Variants in PEAR1 observed in about 807,000 individuals in gnomAD.
The protein encoded by PEAR1 is platelet endothelial aggregation receptor 1, also known as multiple EGF-like domains protein 12.
In PEAR1, 113 loss-of-function variants were observed where a neutral mutation model predicts 131.2. That is an observed-to-expected ratio of 0.86 (90% CI 0.74 to 1.01). The LOEUF (loss-of-function observed/expected upper bound fraction) is 1.01, where lower values mean the gene tolerates loss of function less well. Ranked by LOEUF, PEAR1 falls within the 50% of genes least tolerant of loss-of-function variation. The pLI is 0.00. For missense variants in PEAR1, 1,408 were observed against 1,391.1 expected (o/e 1.01, Z -0.19); for synonymous variants, 565 against 523.3 (o/e 1.08, Z -1.09).
rs535575382 is a variant in PEAR1 at position 156,912,392 on chromosome 1, A to T, written c.2080+17A>T. 8 of 1,610,142 alleles carry T rather than the reference A, an allele frequency of 5.0e-6. No homozygotes were observed. In the African/African-American group the frequency reaches 5.3e-5, roughly 11 times the overall value. ...GCTTAGAAGGTACCAACAGAAGGGG[A>T]ACTCCAGGCCCCTGCCTCCAACTTA... is the stretch of plus-strand genomic sequence containing the variant. On this transcript the variant is annotated intron_variant, in intron 16 of 22. Transcript: ENST00000292357.
rs1368844844 is a variant in PEAR1 at position 156,907,706 on chromosome 1, C to T, written c.741C>T (p.Ser247=). 8 of 1,612,484 alleles carry T rather than the reference C, an allele frequency of 5.0e-6. No individual in the cohort carries two copies. The highest frequency in any genetic ancestry group is 6.8e-6 in the Non-Finnish European group (8 of 1,179,072). Residue 247 remains serine (S), a synonymous_variant, in exon 7 of 23, where the codon TCC becomes TCT. Coordinates refer to ENST00000292357, the MANE Select transcript of PEAR1 (RefSeq NM_001080471.3). ...GTGTCTTCCAAACCCCACAGGGCTC[C>T]TGCAGCTGCCCCCCTGGCTGGATGG... ...NGGVFQTPQG[S]CSCPPGWMGT...
At chr1:156,907,830 T>C in intron 7 of PEAR1, 85 bp from the exon 8 acceptor site, 1 of 1,566,354 alleles carries the variant, frequency 6.4e-7, no homozygotes, top group South Asian at 1.2e-5. Context: ...GGGTGAGCTC[T>C]GTGGTTATGG....
Position 156,913,753 on chromosome 1 carries a change from C to A in PEAR1, c.2706C>A (p.Tyr902Ter), listed in dbSNP as rs764009967. The change falls in exon 21 of 23, where the codon TAC (tyrosine) becomes TAA (stop). Residue 902 changes from tyrosine to a stop codon, truncating the protein, a stop_gained. Transcript: ENST00000292357. LOFTEE classifies it high-confidence loss of function. ...YSYSNGPGPFYNKGLISEEEL... is the reference protein window; with the variant it reads ...YSYSNGPGPF Reference sequence around the variant, plus strand: ...ACAGCAATGGCCCAGGCCCATTCTACAATAAAGGTATGGGCACAGGGGCAA... The same window carrying A: ...ACAGCAATGGCCCAGGCCCATTCTAAAATAAAGGTATGGGCACAGGGGCAA... 1.2e-6 allele frequency: 2 copies of A among 1,614,066 alleles called. No individual in the cohort carries two copies. Among genetic ancestry groups the A allele is most frequent in the South Asian group, 2.2e-5 (2 of 91,072 alleles).
chr1:156,904,647 G>T (rs2102985087), intron 2 of PEAR1, 101 bp from the exon 3 acceptor site: 15 of 1,209,920 alleles, frequency 1.2e-5, no homozygotes, highest in Non-Finnish European at 1.8e-5. Context: ...GCGTTGGGCT[G>T]TGGATTCCCC....
chr1:156,905,255 C>T (rs777055115), intron 3 of PEAR1, 69 bp from the exon 4 acceptor site: 10 of 1,504,668 alleles, frequency 6.6e-6, no homozygotes, highest in African/African-American at 1.4e-5. Context: ...TCCCTGGCCT[C>T]CCCCTGGCCA....
At chr1:156,907,818 G>A in intron 7 of PEAR1, 88 bp downstream of exon 7, 1 of 1,566,210 alleles carries the variant, frequency 6.4e-7, no homozygotes, top group Non-Finnish European at 8.7e-7. Context: ...GGTGAGTGAG[G>A]GGGGTGAGCT....
intron 16 of PEAR1, 44 bp from the exon 17 acceptor site, chr1:156,912,450 C>T (rs762789200): frequency 6.2e-7 from 1 of 1,604,268 alleles, no homozygotes; most frequent in Non-Finnish European, 8.5e-7. Context: ...CTAGAGTTTC[C>T]TGGCGGCTCT....
chr1:156,903,465 A>T (rs1189733873), intron 1 of PEAR1, among the ~76,000 whole-genome samples: 1 of 152,152 alleles, frequency 6.6e-6, no homozygotes, highest in African/African-American at 2.4e-5. Flanking sequence ...TGCCCTGGGT[A>T]GGGCCTGGGC....
Position 156,915,218 on chromosome 1 carries a change from A to C in PEAR1, c.*420A>C, listed in dbSNP as rs534799938. ...ACTTACCATTTAGTAGGGAGATGGA[A>C]CCAACCCAATTAACTCTAGCAATAG... On this transcript the variant is annotated 3_prime_UTR_variant, in exon 23 of 23. Transcript: ENST00000292357. 163 of 159,168 alleles carry C rather than the reference A, an allele frequency of 1.0e-3. 1 individual carries two copies. The highest frequency in any genetic ancestry group is 3.8e-3 in the African/African-American group (159 of 41,856). 9.9% of individuals were successfully genotyped at this position (159,168 alleles called of 1,614,324 possible).
chr1:156,910,015 T>C lies in PEAR1; in HGVS notation c.1585T>C (p.Phe529Leu), dbSNP rs764199964. The change falls in exon 13 of 23, where the codon TTT becomes CTT. Residue 529 changes from phenylalanine to leucine, a missense_variant. By Grantham distance (22) the Phe-to-Leu change is conservative. Coordinates refer to ENST00000292357, the MANE Select transcript of PEAR1 (RefSeq NM_001080471.3). ...CCACTCCTTCTCCAAGAAGGGGCAGTTTGGAGAAGGTTGTGCCAGTCGCTG... is the reference window on the plus strand; with the variant it reads ...CCACTCCTTCTCCAAGAAGGGGCAGCTTGGAGAAGGTTGTGCCAGTCGCTG... ...HCQLPCPKGQ[F>L]GEGCASRCDC... 1 of 1,613,686 alleles carries C rather than the reference T, an allele frequency of 6.2e-7. No individual in the cohort carries two copies. Among genetic ancestry groups the C allele is most frequent in the Non-Finnish European group, 8.5e-7 (1 of 1,179,998 alleles).
At chr1:156,900,171 G>A (rs763033912) in intron 1 of PEAR1, among the ~76,000 whole-genome samples, 9 of 152,180 alleles carry the variant, frequency 5.9e-5, no homozygotes, top group Non-Finnish European at 1.2e-4. Context: ...GCTGGGCTGC[G>A]CAGGCGGGAC....
At chr1:156,912,670 G>A (rs1431107648) in intron 17 of PEAR1, 48 bp downstream of exon 17, 2 of 1,609,158 alleles carry the variant, frequency 1.2e-6, no homozygotes, top group Non-Finnish European at 1.7e-6. Context: ...CAGGGAACTG[G>A]GACCTAGGCC....
In PEAR1 at chr1:156,910,599, A is replaced by C. The variant is rs751087775; in HGVS notation, c.1826-19A>C. The C allele has an allele frequency of 1.9e-6, 3 of 1,612,930 alleles. No individual in the cohort carries two copies. Among genetic ancestry groups the C allele is most frequent in the Admixed American group, 1.7e-5 (1 of 59,912 alleles). On this transcript the variant is annotated intron_variant, in intron 14 of 22. Transcript: ENST00000292357. The stretch of plus-strand genomic sequence containing the variant: ...GGATTGGCCTCTGCCCCCAATCACC[A>C]TGTACCCCTTTCCCCCAGCCTGTCA...
intron 15 of PEAR1, among the ~76,000 whole-genome samples, chr1:156,911,135 C>CCTT (rs1331429879): frequency 1.8e-4 from 24 of 129,848 alleles, no homozygotes; most frequent in African/African-American, 5.9e-4. Context: ...TCTTTCCTTT[C>CCTT]TTTCTTTTCT....
chr1:156,911,112 TTTC>T (rs745836684), intron 15 of PEAR1, among the ~76,000 whole-genome samples: 12 of 113,074 alleles, frequency 1.1e-4, no homozygotes, highest in Non-Finnish European at 1.0e-4. Context: ...CTTTCTTTTC[TTTC>T]TTCTTTCTTT....
chr1:156,907,622 C>T lies in PEAR1; in HGVS notation c.657C>T (p.Ser219=). Residue 219 remains serine (S), a synonymous_variant, in exon 7 of 23, where the codon TCC becomes TCT. Coordinates refer to ENST00000292357, the MANE Select transcript of PEAR1 (RefSeq NM_001080471.3). ...CTCTGTCCTGCAGCTGTGACGTGTC[C>T]TGTTCCCAGGGCACTTCTGGCTTCT... ...AERTGPSCDV[S]CSQGTSGFFC... 2 of 1,613,314 alleles carry T rather than the reference C, an allele frequency of 1.2e-6. No individual in the cohort carries two copies. The highest frequency in any genetic ancestry group is 1.7e-6 in the Non-Finnish European group (2 of 1,179,560).
In PEAR1 at chr1:156,912,354, A is replaced by G. The variant is rs765026367; in HGVS notation, c.2059A>G (p.Thr687Ala). The G allele has an allele frequency of 3.7e-6, 6 of 1,613,762 alleles. No individual in the cohort carries two copies. The highest frequency in any genetic ancestry group is 5.1e-6 in the Non-Finnish European group (6 of 1,179,870). The change falls in exon 16 of 23, where the codon ACT (threonine) becomes GCT (alanine). Residue 687 changes from threonine to alanine, a missense_variant. Coordinates refer to ENST00000292357, the MANE Select transcript of PEAR1 (RefSeq NM_001080471.3). ...DGSCICPLGWTGHHCLEGCPL... is the reference protein window; with the variant it reads ...DGSCICPLGWAGHHCLEGCPL... ...GAGCTGTATCTGCCCCCTAGGCTGG[A>G]CTGGACACCACTGCTTAGAAGGTAC...
rs770259721 is a variant in PEAR1, at chr1:156,913,770, CA to C, written c.2713+11del. On this transcript the variant is annotated intron_variant, in intron 21 of 22. Coordinates refer to ENST00000292357, the MANE Select transcript of PEAR1 (RefSeq NM_001080471.3). ...CCATTCTACAATAAAGGTATGGGCACAGGGGCAACAAGGGAGGTGGCTGAGC... is the reference window on the plus strand; with the variant it reads ...CCATTCTACAATAAAGGTATGGGCACGGGGCAACAAGGGAGGTGGCTGAGC... 14 of 1,613,372 alleles carry C rather than the reference CA, an allele frequency of 8.7e-6. No homozygotes were observed. The Admixed American group carries it at 1.8e-4, about 21-fold the overall frequency.
rs772213121 is a variant in PEAR1 at position 156,907,579 on chromosome 1, GC to G, written c.645-30del. The G allele has an allele frequency of 1.6e-5, 25 of 1,590,012 alleles. No individual in the cohort carries two copies. In the South Asian group the frequency reaches 2.7e-4, roughly 17 times the overall value. On this transcript the variant is annotated intron_variant, in intron 6 of 22. Transcript: ENST00000292357. ...GAGAGGAAGCAGTTATTGCTTGTTT[GC>G]ACATTGACTCCACCCACTCTGTCCT...
Sources: gnomAD v4.1 joint callset for allele counts (sites outside exome capture counted in the v4.1 genomes callset) on GRCh38, gnomAD v4.1.1 for gene constraint, MANE v1.5 for transcripts, NCBI Gene and HGNC (gene_info 2026-07-23, HGNC 2026-07-21) for gene names.